FBXL13: variants seen among roughly 807,000 people sequenced by gnomAD.
FBXL13 encodes F-box and leucine-rich repeat protein 13.
FBXL13 carries 67 observed loss-of-function variants against 83.6 expected under a neutral mutation model. The observed-to-expected ratio is 0.80, with a 90% CI of 0.66 to 0.98. FBXL13 has a LOEUF of 0.98. Ranked by LOEUF, FBXL13 falls within the 50% of genes least tolerant of loss-of-function variation. FBXL13 has a pLI of 0.00. For missense variants in FBXL13, 822 were observed against 866.5 expected, an observed-to-expected ratio of 0.95 and a Z score of 0.64; for synonymous variants, 272 against 299.5, an observed-to-expected ratio of 0.91 and a Z score of 0.95.
At chr7:103,026,787 A>T (rs1317528176) in intron 5 of FBXL13, among the ~76,000 whole-genome samples, 1 of 152,176 alleles carries the variant, frequency 6.6e-6, no homozygotes, top group East Asian at 1.9e-4. Flanking sequence ...AAAGAAGGGG[A>T]TTTAACTTCA....
chr7:102,971,567 C>T (rs188330127), intron 6 of FBXL13, among the ~76,000 whole-genome samples: 17 of 136,386 alleles, frequency 1.2e-4, no homozygotes, highest in Admixed American at 1.2e-3. Context: ...GCACTCCAGC[C>T]TAGGCAATAA....
At chr7:103,043,659 G>A (rs1269876559) in intron 2 of FBXL13, among the ~76,000 whole-genome samples, 4 of 152,148 alleles carry the variant, frequency 2.6e-5, no homozygotes, top group African/African-American at 4.8e-5. Flanking sequence ...TTACAGGTGT[G>A]TGCTACCATG....
intron 2 of FBXL13, among the ~76,000 whole-genome samples, chr7:103,035,030 T>G (rs79159324): frequency 6.6e-6 from 1 of 152,186 alleles, no homozygotes; most frequent in Non-Finnish European, 1.5e-5. Flanking sequence ...GCGGCTTTAG[T>G]CTTGAAGTAT....
intron 17 of FBXL13, among the ~76,000 whole-genome samples, chr7:102,837,355 T>C (rs1164599458): frequency 1.3e-5 from 2 of 152,168 alleles, no homozygotes; most frequent in Admixed American, 1.3e-4. Context: ...TTTTAAAACA[T>C]GGAGAGAACT....
intron 6 of FBXL13, among the ~76,000 whole-genome samples, chr7:103,010,508 C>T (rs1196722229): frequency 6.6e-6 from 1 of 152,130 alleles, no homozygotes; most frequent in African/African-American, 2.4e-5. Flanking sequence ...AGATGGGCCA[C>T]ACCCACTAGA....
At chr7:102,953,695 A>G (rs910762936) in intron 8 of FBXL13, among the ~76,000 whole-genome samples, 2 of 152,196 alleles carry the variant, frequency 1.3e-5, no homozygotes, top group African/African-American at 4.8e-5. Flanking sequence ...CATAAAATGT[A>G]TCTCAATAAA....
intron 11 of FBXL13, among the ~76,000 whole-genome samples, chr7:102,891,741 C>T (rs1264449960): frequency 6.6e-6 from 1 of 152,152 alleles, no homozygotes; most frequent in African/African-American, 2.4e-5. Flanking sequence ...GCCAGGAAGG[C>T]TTGCATGCTT....
intron 16 of FBXL13, among the ~76,000 whole-genome samples, chr7:102,866,990 G>A (rs1807740467): frequency 6.6e-6 from 1 of 152,144 alleles, no homozygotes; most frequent in Admixed American, 6.5e-5. Flanking sequence ...AAAGTGCAGT[G>A]GAAATACAAA....
At chr7:102,872,965 G>T (rs1808723431) in intron 16 of FBXL13, among the ~76,000 whole-genome samples, 1 of 152,116 alleles carries the variant, frequency 6.6e-6, no homozygotes, top group South Asian at 2.1e-4. Flanking sequence ...TCCACAAAAG[G>T]AATAACTGAG....
chr7:102,913,272 T>G lies in FBXL13; in HGVS notation c.879-57A>C, dbSNP rs111748676. ...TATACTTCCGTTGTTCTCTCAAATC[T>G]TTCTTAAGCCACTATGACAAAGAAA... On this transcript the variant is annotated intron_variant, in intron 10 of 19. Transcript: ENST00000313221. 3 of 1,606,534 alleles carry G rather than the reference T, an allele frequency of 1.9e-6. No individual in the cohort carries two copies. In the African/African-American group the frequency reaches 4.0e-5, roughly 22 times the overall value.
At chr7:102,867,695 A>ATATATATTTTT (rs1239781180) in intron 16 of FBXL13, among the ~76,000 whole-genome samples, 1 of 49,064 alleles carries the variant, frequency 2.0e-5, no homozygotes, top group African/African-American at 1.2e-4. Context: ...ATATATATAT[A>ATATATATTTTT]TTTTTTTTTT....
At chr7:102,816,764 T>C (rs145720151) in intron 19 of FBXL13, among the ~76,000 whole-genome samples, 4 of 152,340 alleles carry the variant, frequency 2.6e-5, no homozygotes, top group African/African-American at 9.6e-5. Context: ...CTCGCCATCC[T>C]CCCTGCCTCC....
intron 6 of FBXL13, among the ~76,000 whole-genome samples, chr7:102,998,460 T>A (rs1379762510): frequency 2.0e-5 from 3 of 152,202 alleles, no homozygotes; most frequent in African/African-American, 7.2e-5. Context: ...TCTAGTGACC[T>A]TTCACTTCTT....
At chr7:102,974,354 C>T (rs954640886) in intron 6 of FBXL13, among the ~76,000 whole-genome samples, 3 of 152,132 alleles carry the variant, frequency 2.0e-5, no homozygotes, top group African/African-American at 7.2e-5. Flanking sequence ...CACACCACTG[C>T]ACTCCAGCCT....
chr7:102,893,962 G>GAAAGAAAGAA (rs1563055140), intron 11 of FBXL13, among the ~76,000 whole-genome samples: 1 of 135,794 alleles, frequency 7.4e-6, no homozygotes, highest in African/African-American at 3.0e-5. Flanking sequence ...AAGAAAGAAA[G>GAAAGAAAGAA]AGAGAAAGAA....
chr7:103,013,836 A>G (rs916989887), intron 6 of FBXL13, among the ~76,000 whole-genome samples: 3 of 152,172 alleles, frequency 2.0e-5, no homozygotes, highest in African/African-American at 4.8e-5. Flanking sequence ...ACAAAAATCA[A>G]TAAATCCAGG....
At chr7:103,033,731 T>C (rs139219776) in intron 2 of FBXL13, among the ~76,000 whole-genome samples, 2,157 of 152,120 alleles carry the variant, frequency 0.014, 50 homozygotes, top group African/African-American at 0.049. Flanking sequence ...AGCAGCAAGA[T>C]TTATTGCAAA....
At chr7:102,912,153 A>C (rs1814796045) in intron 11 of FBXL13, among the ~76,000 whole-genome samples, 1 of 146,602 alleles carries the variant, frequency 6.8e-6, no homozygotes, top group Admixed American at 6.6e-5. Flanking sequence ...CAACTTATTC[A>C]ACCACCCTGA....
chr7:102,965,536 C>T (rs555871946), intron 7 of FBXL13, among the ~76,000 whole-genome samples: 1 of 152,248 alleles, frequency 6.6e-6, no homozygotes, highest in South Asian at 2.1e-4. Context: ...GACTAAAATA[C>T]ACAACACATA....
Sources: gnomAD v4.1 joint callset for allele counts (sites outside exome capture counted in the v4.1 genomes callset) on GRCh38, gnomAD v4.1.1 for gene constraint, MANE v1.5 for transcripts, NCBI Gene and HGNC (gene_info 2026-07-23, HGNC 2026-07-21) for gene names.